The following TTC6 variants were observed in gnomAD, a reference collection of about 807,000 sequenced individuals.
The protein encoded by TTC6 is tetratricopeptide repeat protein 6.
Under a neutral mutation model 210.4 loss-of-function variants are expected in TTC6, and 172 were observed. The observed-to-expected ratio is 0.82, with a 90% confidence interval of 0.72 to 0.93. The LOEUF (loss-of-function observed/expected upper bound fraction) is 0.93. TTC6 is among the 40% of genes least tolerant of loss of function. The pLI, the probability that TTC6 is intolerant of heterozygous loss-of-function variation, is 0.00. For missense variants in TTC6, 2,414 were observed against 2,318.1 expected (o/e 1.04, Z -0.85); for synonymous variants, 804 against 819.6 (o/e 0.98, Z 0.32).
At chr14:37,628,230 C>T (rs542504307) in intron 1 of TTC6, among the ~76,000 whole-genome samples, 33 of 152,188 alleles carry the variant, frequency 2.2e-4, no homozygotes, top group Non-Finnish European at 4.6e-4. Flanking sequence ...ACCTTGGTCT[C>T]CCAAAGTGCT....
At chr14:37,688,482 C>CGA (rs1197033858) in intron 3 of TTC6, among the ~76,000 whole-genome samples, 1 of 151,968 alleles carries the variant, frequency 6.6e-6, no homozygotes, top group African/African-American at 2.4e-5. Context: ...AGGCCTTGAG[C>CGA]GAGACCCAGA....
At chr14:37,826,266 A>G (rs910032807) in exon 28 of TTC6, 1 of 1,612,832 alleles carries the variant, frequency 6.2e-7, no homozygotes, top group Non-Finnish European at 8.5e-7. Flanking sequence ...AGAACTACCT[A>G]GCCTATGAAG....
At chr14:37,677,091 G>GA (rs1024128990) in intron 1 of TTC6, among the ~76,000 whole-genome samples, 4 of 151,792 alleles carry the variant, frequency 2.6e-5, no homozygotes, top group South Asian at 2.1e-4. Flanking sequence ...TTCTATTTCT[G>GA]AAAAAAAGGC....
At chr14:37,679,688 ATATT>A (rs1473100700) in intron 1 of TTC6, among the ~76,000 whole-genome samples, 1 of 151,930 alleles carries the variant, frequency 6.6e-6, no homozygotes, top group African/African-American at 2.4e-5. Context: ...AAAAAAATTT[ATATT>A]TATTTATTTA....
In TTC6 at chr14:37,603,446, C is replaced by T. The variant is rs532385289; in HGVS notation, c.-234-3217C>T. Among the ~76,000 whole-genome samples the T allele has an allele frequency of 4.6e-5, 7 of 152,344 alleles. No individual in the cohort carries two copies. In the South Asian group the frequency reaches 8.3e-4, roughly 18 times the overall value. On this transcript the variant is annotated intron_variant, in intron 1 of 2. Coordinates refer to the TTC6 transcript ENST00000556845. ...GTTGTGGTGGTGGGTGGCTCAGCTCCAGAAGTGGTGAAGCGACTTTCCCGA... is the reference window on the plus strand; with the variant it reads ...GTTGTGGTGGTGGGTGGCTCAGCTCTAGAAGTGGTGAAGCGACTTTCCCGA...
chr14:37,767,196 T>G (rs2096002202), intron 14 of TTC6, among the ~76,000 whole-genome samples: 1 of 152,216 alleles, frequency 6.6e-6, no homozygotes, highest in Non-Finnish European at 1.5e-5. Flanking sequence ...ATCCAGTCTA[T>G]CATTGTTGGA....
At chr14:37,792,174 C>G in intron 16 of TTC6, 90 bp from the exon 19 acceptor site, 1 of 975,798 alleles carries the variant, frequency 1.0e-6, no homozygotes, top group Non-Finnish European at 1.5e-6. Context: ...AATACTGATG[C>G]ATCTGTTTCA....
intron 7 of TTC6, among the ~76,000 whole-genome samples, chr14:37,735,119 G>A (rs2095898058): frequency 6.6e-6 from 1 of 152,074 alleles, no homozygotes; most frequent in Non-Finnish European, 1.5e-5. Context: ...AATATAACTT[G>A]AGAGGATTTT....
chr14:37,614,828 C>A (rs918304280), intron 2 of TTC6, among the ~76,000 whole-genome samples: 1 of 152,040 alleles, frequency 6.6e-6, no homozygotes, highest in Admixed American at 6.5e-5. Flanking sequence ...CTCATTGCAG[C>A]CTCTGCCTCC....
chr14:37,635,041 C>G (rs933174776), intron 1 of TTC6, among the ~76,000 whole-genome samples: 2 of 152,056 alleles, frequency 1.3e-5, no homozygotes, highest in Admixed American at 1.3e-4. Flanking sequence ...ACATAATAAA[C>G]AAAACTATGG....
chr14:37,753,318 A>G lies in TTC6; in HGVS notation c.3266+83A>G, dbSNP rs553016585. ...CAGAACAGAAAATTGCTTGAAATAC[A>G]TCAGACAGCTCTTTAAAAACAATGA... On this transcript the variant is annotated intron_variant, in intron 14 of 30. Coordinates refer to ENST00000553443, the Ensembl canonical transcript of TTC6. 3.4e-4 allele frequency: 397 copies of G among 1,162,704 alleles called. 2 individuals carry two copies. In the African/African-American group the frequency reaches 5.4e-3, roughly 16 times the overall value. The allele number at this position is 1,162,704 out of a possible 1,614,324, so 72.0% of individuals were successfully genotyped here.
In TTC6 at chr14:37,642,042, C is replaced by T. The variant is rs177851; in HGVS notation, c.939+19039C>T. On this transcript the variant is annotated intron_variant, in intron 1 of 30. Transcript: ENST00000553443. ...TTGCTTTCTCTGTTTTACTCCATTC[C>T]TACCTTCCTTTTTTCCTTTACTGAC... Among the ~76,000 whole-genome samples, 208 of 152,306 alleles carry T rather than the reference C, an allele frequency of 1.4e-3. 1 individual carries two copies. The highest frequency in any genetic ancestry group is 4.8e-3 in the African/African-American group (200 of 41,578).
chr14:37,782,773 A>T (rs1160363274), intron 14 of TTC6, among the ~76,000 whole-genome samples: 1 of 152,166 alleles, frequency 6.6e-6, no homozygotes, highest in Admixed American at 6.5e-5. Flanking sequence ...TTTGTCATAA[A>T]TGGCTCTTAT....
chr14:37,688,496 G>T (rs1020324817), intron 3 of TTC6, among the ~76,000 whole-genome samples: 2 of 152,086 alleles, frequency 1.3e-5, no homozygotes, highest in Admixed American at 1.3e-4. Context: ...ACCCAGAGCT[G>T]TGCTGGCTTC....
upstream of TTC6, among the ~76,000 whole-genome samples, chr14:37,620,696 G>T (rs996270112): frequency 2.0e-5 from 3 of 152,150 alleles, no homozygotes; most frequent in African/African-American, 7.2e-5. Context: ...AACAAAATTT[G>T]TCCTCTTTAC....
intron 25 of TTC6, 86 bp downstream of exon 27, chr14:37,812,519 C>G: frequency 7.8e-7 from 1 of 1,287,038 alleles, no homozygotes; most frequent in South Asian, 1.9e-5. Context: ...TATCAACTGG[C>G]AATATTAATG....
intron 24 of TTC6, among the ~76,000 whole-genome samples, chr14:37,811,802 A>G (rs72676140): frequency 0.054 from 8,203 of 152,168 alleles, 331 homozygotes; most frequent in Non-Finnish European, 0.075. Context: ...TTTAAGATCT[A>G]TTTTCATTGA....
chr14:37,633,536 G>A (rs1439397815), intron 1 of TTC6, among the ~76,000 whole-genome samples: 2 of 152,170 alleles, frequency 1.3e-5, no homozygotes, highest in Admixed American at 6.5e-5. Flanking sequence ...CATTGATCTC[G>A]CTGGGAGCTG....
intron 7 of TTC6, among the ~76,000 whole-genome samples, chr14:37,732,781 C>A (rs1259082238): frequency 1.7e-5 from 2 of 117,452 alleles, no homozygotes; most frequent in Non-Finnish European, 4.2e-5. Flanking sequence ...CCACGCCCAG[C>A]TAATTTTTTT....
Sources: allele counts gnomAD v4.1 joint callset (sites outside exome capture counted in the v4.1 genomes callset), GRCh38; gene constraint gnomAD v4.1.1; transcripts MANE v1.5; gene names NCBI Gene and HGNC (gene_info 2026-07-23, HGNC 2026-07-21).